CREM: variants seen among roughly 807,000 people sequenced by gnomAD.
The protein encoded by CREM is cAMP responsive element modulator.
A neutral mutation model predicts 37.3 loss-of-function variants in CREM; 13 were observed. The ratio of observed to expected loss-of-function variants is 0.35; its 90% CI spans 0.23 to 0.55. CREM has a LOEUF of 0.55. Among genes scored for constraint, CREM ranks in the 20% least tolerant of loss-of-function variants. The pLI, the probability that CREM is intolerant of heterozygous loss-of-function variation, is 0.88. For synonymous variants in CREM, 124 were observed against 120.2 expected (o/e 1.03, Z -0.21); for missense variants, 296 against 362.3 (o/e 0.82, Z 1.49).
At chr10:35,187,011 A>AATATATATATATATC (rs1469454492) in intron 5 of CREM, among the ~76,000 whole-genome samples, 1 of 79,940 alleles carries the variant, frequency 1.3e-5, no homozygotes, top group African/African-American at 5.3e-5. Context: ...TATATAATAT[A>AATATATATATATATC]ATATATAATA....
intron 5 of CREM, among the ~76,000 whole-genome samples, chr10:35,183,956 C>A (rs1435446052): frequency 6.6e-6 from 1 of 152,186 alleles, no homozygotes; most frequent in Non-Finnish European, 1.5e-5. Context: ...CACTTGTAAT[C>A]CCAGCTACTT....
At chr10:35,202,889 C>T (rs2095419475) in intron 6 of CREM, among the ~76,000 whole-genome samples, 1 of 152,176 alleles carries the variant, frequency 6.6e-6, no homozygotes. Context: ...TCTGAGCTAT[C>T]GCTCAAAATG....
intron 6 of CREM, among the ~76,000 whole-genome samples, chr10:35,190,952 A>G (rs921254871): frequency 2.0e-5 from 3 of 152,110 alleles, no homozygotes; most frequent in Admixed American, 6.6e-5. Context: ...ATGAGCCACC[A>G]TGCCCAGCCA....
At chr10:35,165,056 CAAAAA>C (rs60898349) in intron 3 of CREM, among the ~76,000 whole-genome samples, 931 of 74,878 alleles carry the variant, frequency 0.012, 8 homozygotes, top group African/African-American at 0.046. Context: ...GGCTCCATCT[CAAAAA>C]AAAAAAAAAA....
chr10:35,127,179 A>G lies in CREM; in HGVS notation c.-69A>G, dbSNP rs1001293053. On this transcript the variant is annotated 5_prime_UTR_variant, in exon 1 of 8. Coordinates refer to ENST00000685392, the MANE Select transcript of CREM (RefSeq NM_183011.2). ...ATCAGTGACGAGGTCCGCTACGTAA[A>G]TCCCTTTGCGGCGGGTAAGTGGTGC... 7.2e-5 allele frequency: 11 copies of G among 152,588 alleles called. No individual in the cohort carries two copies. The highest frequency in any genetic ancestry group is 3.3e-4 in the Admixed American group (5 of 15,284). The allele number at this position is 152,588 out of a possible 1,614,324, so 9.5% of individuals were successfully genotyped here. A position where few individuals can be genotyped will look rare whatever the true frequency, so the allele number is the denominator to read the frequency against.
intron 5 of CREM, among the ~76,000 whole-genome samples, chr10:35,185,066 C>CA (rs71033382): frequency 2.1e-5 from 3 of 143,698 alleles, no homozygotes; most frequent in South Asian, 2.2e-4. Context: ...TTCATTCATT[C>CA]TATTTTTTGA....
chr10:35,157,100 C>G (rs1267946862), intron 3 of CREM, among the ~76,000 whole-genome samples: 2 of 152,136 alleles, frequency 1.3e-5, no homozygotes, highest in African/African-American at 4.8e-5. Flanking sequence ...ATATGCAAAT[C>G]AGTAAACCTG....
Position 35,211,385 on chromosome 10 carries a change from A to G in CREM, c.887A>G (p.His296Arg), listed in dbSNP as rs149683849. 7.4e-6 allele frequency: 12 copies of G among 1,613,634 alleles called. No individual in the cohort carries two copies. In the African/African-American group the frequency reaches 9.3e-5, roughly 13 times the overall value. Residue 296 changes from histidine (H) to arginine (R), a missense_variant, in exon 8 of 8, where the codon CAT becomes CGT. This residue lies in a region of CREM where 39 missense variants were observed against 82.0 expected (regional missense o/e 0.48). Coordinates refer to ENST00000685392, the MANE Select transcript of CREM (RefSeq NM_183011.2). ...AAGGCCCTCAAAGATCTTTATTGCC[A>G]TAAAGTAGAGTAACTGTCTTTGACT... ...ELKALKDLYC[H>R]KVE
intron 6 of CREM, among the ~76,000 whole-genome samples, chr10:35,198,716 A>G (rs1436054510): frequency 6.6e-6 from 1 of 152,212 alleles, no homozygotes; most frequent in South Asian, 2.1e-4. Flanking sequence ...GGATTTCTGC[A>G]TTGTTTAAAA....
chr10:35,193,702 G>A (rs150657423), intron 6 of CREM, among the ~76,000 whole-genome samples: 1 of 152,174 alleles, frequency 6.6e-6, no homozygotes, highest in East Asian at 1.9e-4. Flanking sequence ...AGCATCTGAG[G>A]TGTAAAGTCC....
At chr10:35,202,418 C>A (rs2095409104) in intron 6 of CREM, among the ~76,000 whole-genome samples, 1 of 152,054 alleles carries the variant, frequency 6.6e-6, no homozygotes, top group Non-Finnish European at 1.5e-5. Flanking sequence ...AAGAGATTAT[C>A]TTTGTATCTT....
intron 1 of CREM, among the ~76,000 whole-genome samples, chr10:35,130,699 T>C (rs2089195837): frequency 6.6e-6 from 1 of 152,236 alleles, no homozygotes; most frequent in South Asian, 2.1e-4. Flanking sequence ...GTCTGCAGTA[T>C]ATAGTACAGT....
chr10:35,195,072 AGTGATGTCATT>A, intron 6 of CREM: 2 of 1,007,812 alleles, frequency 2.0e-6, no homozygotes, highest in South Asian at 3.0e-5. Context: ...GTGATAGGCT[AGTGATGTCATT>A]GTGATGTCAG....
chr10:35,163,676 C>T (rs1158844605), intron 3 of CREM, among the ~76,000 whole-genome samples: 1 of 151,956 alleles, frequency 6.6e-6, no homozygotes, highest in Non-Finnish European at 1.5e-5. Flanking sequence ...CAAAAAGTAG[C>T]CAGGCATGGT....
chr10:35,203,229 A>AT, intron 6 of CREM, among the ~76,000 whole-genome samples: 1 of 152,010 alleles, frequency 6.6e-6, no homozygotes, highest in Non-Finnish European at 1.5e-5. Flanking sequence ...TATGTCTTGT[A>AT]GAGATCAGGT....
At chr10:35,145,406 A>T (rs957482558) in intron 2 of CREM, among the ~76,000 whole-genome samples, 1 of 152,154 alleles carries the variant, frequency 6.6e-6, no homozygotes, top group Non-Finnish European at 1.5e-5. Flanking sequence ...TATACGACTC[A>T]TATGACCACA....
intron 3 of CREM, among the ~76,000 whole-genome samples, chr10:35,177,967 C>T (rs1018616567): frequency 6.6e-6 from 1 of 152,060 alleles, no homozygotes; most frequent in African/African-American, 2.4e-5. Flanking sequence ...AGCAAAAACA[C>T]GAGTCATATG....
chr10:35,197,304 CT>C (rs1184546200), intron 6 of CREM, among the ~76,000 whole-genome samples: 7 of 151,906 alleles, frequency 4.6e-5, no homozygotes, highest in Non-Finnish European at 1.0e-4. Flanking sequence ...ACTTAAAACA[CT>C]TTTTCACAAG....
At chr10:35,152,441 G>C (rs1436988296) in intron 3 of CREM, 1 of 152,186 alleles carries the variant, frequency 6.6e-6, no homozygotes, top group Non-Finnish European at 1.5e-5. Flanking sequence ...TAACTTTGTA[G>C]TAATAAATGG....
Sources: gnomAD v4.1 joint callset for allele counts (sites outside exome capture counted in the v4.1 genomes callset) on GRCh38, gnomAD v4.1.1 for gene constraint, gnomAD v4.1.1 regional missense constraint, MANE v1.5 for transcripts, NCBI Gene and HGNC (gene_info 2026-07-23, HGNC 2026-07-21) for gene names.